PKHD1: variants seen among roughly 807,000 people sequenced by gnomAD.
PKHD1 encodes the protein PKHD1 ciliary IPT domain containing fibrocystin/polyductin.
A neutral mutation model predicts 412.0 loss-of-function variants in PKHD1; 291 were observed. The ratio of observed to expected loss-of-function variants is 0.71; its 90% confidence interval spans 0.64 to 0.78. The LOEUF is 0.78. Among genes scored for constraint, PKHD1 ranks in the 30% least tolerant of loss-of-function variants. The pLI, the probability that PKHD1 is intolerant of heterozygous loss-of-function variation, is 0.00. For missense variants in PKHD1, 4,825 were observed against 4,950.7 expected (o/e 0.97, Z 0.76); for synonymous variants, 1,777 against 1,821.5 (o/e 0.98, Z 0.62).
At chr6:51,991,966 T>G (rs911400815) in intron 35 of PKHD1, among the ~76,000 whole-genome samples, 1 of 152,210 alleles carries the variant, frequency 6.6e-6, no homozygotes, top group African/African-American at 2.4e-5. Context: ...ACTCTCCAGC[T>G]TGAAGATTAT....
chr6:51,898,522 G>C (rs1780555806), intron 43 of PKHD1, among the ~76,000 whole-genome samples: 2 of 145,210 alleles, frequency 1.4e-5, no homozygotes, highest in East Asian at 2.0e-4. Flanking sequence ...GCAGTGTGTA[G>C]AGGGAAATTT....
chr6:51,772,375 G>T, intron 55 of PKHD1, among the ~76,000 whole-genome samples: 1 of 151,538 alleles, frequency 6.6e-6, no homozygotes. Flanking sequence ...TTTCAGCTTA[G>T]ACATAGTATT....
intron 55 of PKHD1, among the ~76,000 whole-genome samples, chr6:51,760,965 C>T (rs1278705518): frequency 1.3e-5 from 2 of 152,004 alleles, no homozygotes; most frequent in East Asian, 3.9e-4. Context: ...GAGAAGAGAA[C>T]CCTTGCATAC....
intron 60 of PKHD1, among the ~76,000 whole-genome samples, chr6:51,685,361 C>A (rs916410418): frequency 6.6e-6 from 1 of 152,126 alleles, no homozygotes; most frequent in Non-Finnish European, 1.5e-5. Context: ...ATTTGACTCC[C>A]TGACCTTCTT....
intron 13 of PKHD1, among the ~76,000 whole-genome samples, chr6:52,063,766 C>G (rs567195572): frequency 2.6e-5 from 4 of 152,206 alleles, no homozygotes; most frequent in African/African-American, 9.6e-5. Flanking sequence ...CACATTGCTA[C>G]GTGTCCCCCG....
Position 52,064,993 on chromosome 6 carries a change from G to C in PKHD1, c.938C>G (p.Ala313Gly), listed in dbSNP as rs148018626. ...GGTGAGCCTCACATCTTTTCCTGGA[G>C]CCCGAGTGGTGCACTCAATCTTCCT... ...SPRKIECTTR[A>G]PGKDVRLTTP... The change falls in exon 13 of 67, where the codon GCT becomes GGT. Residue 313 changes from alanine (A) to glycine (G), a missense_variant. By Grantham distance (60) the Ala-to-Gly change is moderately conservative. Coordinates refer to ENST00000371117, the MANE Select transcript of PKHD1 (RefSeq NM_138694.4). The C allele has an allele frequency of 4.4e-6, 7 of 1,604,540 alleles. No individual in the cohort carries two copies. In the African/African-American group the frequency reaches 6.9e-5, roughly 16 times the overall value.
chr6:51,945,242 T>C (rs1789278058), intron 36 of PKHD1, among the ~76,000 whole-genome samples: 1 of 152,190 alleles, frequency 6.6e-6, no homozygotes, highest in Admixed American at 6.5e-5. Flanking sequence ...TGCCGCATTG[T>C]AAATAGTCAG....
At chr6:51,862,814 T>C (rs1158293673) in intron 48 of PKHD1, among the ~76,000 whole-genome samples, 2 of 152,210 alleles carry the variant, frequency 1.3e-5, no homozygotes, top group East Asian at 1.9e-4. Context: ...ACGCCCTGAA[T>C]GACCTGAGGT....
chr6:51,637,601 T>C (rs1215736163), intron 64 of PKHD1, among the ~76,000 whole-genome samples: 1 of 132,702 alleles, frequency 7.5e-6, no homozygotes, highest in Non-Finnish European at 1.7e-5. Context: ...GATAGTCTTT[T>C]TGTTAAAAAA....
chr6:51,911,191 CATGTGAAAGCCT>C (rs1235862593), intron 39 of PKHD1, among the ~76,000 whole-genome samples: 5 of 152,164 alleles, frequency 3.3e-5, no homozygotes, highest in African/African-American at 1.2e-4. Flanking sequence ...GTCTTCACAA[CATGTGAAAGCCT>C]CATAATCTAC....
chr6:51,642,014 T>C (rs1396107305), intron 63 of PKHD1, among the ~76,000 whole-genome samples: 1 of 152,136 alleles, frequency 6.6e-6, no homozygotes, highest in African/African-American at 2.4e-5. Context: ...CTGCATGTTC[T>C]GCACATGTAT....
At chr6:51,721,590 C>T (rs1781932559) in intron 60 of PKHD1, 24 of 1,031,522 alleles carry the variant, frequency 2.3e-5, no homozygotes, top group Non-Finnish European at 2.8e-5. Context: ...TTGCTCCTCT[C>T]TCATATAGTG....
chr6:51,893,750 TA>T (rs1466083933), intron 43 of PKHD1, among the ~76,000 whole-genome samples: 227 of 150,466 alleles, frequency 1.5e-3, no homozygotes, highest in African/African-American at 5.4e-3. Context: ...CTATAGTCAC[TA>T]GAAAAAAAGT....
At chr6:51,794,551 T>C (rs1208103714) in intron 52 of PKHD1, among the ~76,000 whole-genome samples, 1 of 152,240 alleles carries the variant, frequency 6.6e-6, no homozygotes, top group African/African-American at 2.4e-5. Flanking sequence ...ATTTTTGCTT[T>C]TGTTGCAATG....
At chr6:51,895,134 T>C (rs1346660441) in intron 43 of PKHD1, among the ~76,000 whole-genome samples, 2 of 152,246 alleles carry the variant, frequency 1.3e-5, no homozygotes, top group African/African-American at 2.4e-5. Context: ...CAAAGTACTC[T>C]GTATATCATC....
intron 37 of PKHD1, among the ~76,000 whole-genome samples, chr6:51,913,716 A>G (rs1023497280): frequency 1.3e-5 from 2 of 152,102 alleles, no homozygotes; most frequent in African/African-American, 4.8e-5. Context: ...ATTATTTTAA[A>G]CTTTCCTCTT....
chr6:51,725,250 C>T (rs914237647), intron 60 of PKHD1, among the ~76,000 whole-genome samples: 3 of 152,130 alleles, frequency 2.0e-5, no homozygotes, highest in South Asian at 2.1e-4. Flanking sequence ...GTAAAACCTA[C>T]GTATCTGGAA....
At chr6:52,052,446 A>G (rs1003165903) in intron 21 of PKHD1, among the ~76,000 whole-genome samples, 1 of 152,182 alleles carries the variant, frequency 6.6e-6, no homozygotes, top group East Asian at 1.9e-4. Context: ...CTAAATAATG[A>G]GTAGGAAGAG....
At chr6:51,651,591 A>G (rs1177371616) in intron 61 of PKHD1, among the ~76,000 whole-genome samples, 1 of 152,128 alleles carries the variant, frequency 6.6e-6, no homozygotes, top group African/African-American at 2.4e-5. Context: ...AGAGTCACTC[A>G]TCCACTTTCC....
Sources: allele counts gnomAD v4.1 joint callset (sites outside exome capture counted in the v4.1 genomes callset), GRCh38; gene constraint gnomAD v4.1.1; transcripts MANE v1.5; gene names NCBI Gene and HGNC (gene_info 2026-07-23, HGNC 2026-07-21).